ADAMTS6: variants seen among roughly 807,000 people sequenced by gnomAD.
ADAMTS6 encodes the protein A disintegrin and metalloproteinase with thrombospondin motifs 6.
ADAMTS6 carries 23 observed loss-of-function variants against 144.3 expected under a neutral mutation model. The ratio of observed to expected loss-of-function variants is 0.16; its 90% confidence interval spans 0.11 to 0.23. ADAMTS6 has a LOEUF of 0.23. Among genes scored for constraint, ADAMTS6 ranks in the 10% least tolerant of loss-of-function variants. ADAMTS6 has a pLI of 1.00. For missense variants in ADAMTS6, 999 were observed against 1,379.6 expected (o/e 0.72, Z 4.37); for synonymous variants, 444 against 457.5 (o/e 0.97, Z 0.38).
At chr5:65,386,099 A>G (rs1005703049) in intron 7 of ADAMTS6, among the ~76,000 whole-genome samples, 3 of 152,232 alleles carry the variant, frequency 2.0e-5, no homozygotes, top group Non-Finnish European at 4.4e-5. Flanking sequence ...TACCAGAATT[A>G]TGAGTCCTCC....
Position 65,300,068 on chromosome 5 carries a change from T to G in ADAMTS6, c.1287A>C (p.Lys429Asn). The G allele has an allele frequency of 6.2e-7, 1 of 1,614,104 alleles. No individual in the cohort carries two copies. Among genetic ancestry groups the G allele is most frequent in the Non-Finnish European group, 8.5e-7 (1 of 1,180,000 alleles). ...SCGTKGHEAA[K>N]LMAAHITANT... is the part of the protein sequence containing the mutation. ...TCGCAGTAATGTGAGCTGCCATAAG[T>G]TTTGCTGCTTCATGACCTTTCGTCC... The change falls in exon 10 of 25, where the codon AAA becomes AAC. Residue 429 changes from lysine (K) to asparagine (N), a missense_variant. Around this residue, in one of 3 missense-constraint regions of ADAMTS6, gnomAD observed 128 missense variants for 249.0 expected, o/e 0.51. Coordinates refer to ENST00000381055, the MANE Select transcript of ADAMTS6 (RefSeq NM_197941.4).
chr5:65,467,295 A>AT (rs1044478463), intron 3 of ADAMTS6, among the ~76,000 whole-genome samples: 1 of 151,950 alleles, frequency 6.6e-6, no homozygotes, highest in Non-Finnish European at 1.5e-5. Context: ...TAAGGAAATA[A>AT]TTTTTTTAAT....
intron 7 of ADAMTS6, among the ~76,000 whole-genome samples, chr5:65,448,741 C>T (rs1758485368): frequency 1.3e-5 from 2 of 152,132 alleles, no homozygotes; most frequent in African/African-American, 4.8e-5. Context: ...GTGTGAGCCA[C>T]CGCGCCCGGC....
chr5:65,320,097 C>G (rs549577316), intron 9 of ADAMTS6, among the ~76,000 whole-genome samples: 1 of 152,288 alleles, frequency 6.6e-6, no homozygotes, highest in African/African-American at 2.4e-5. Flanking sequence ...CCTGCCTCAG[C>G]CTCCCAAAGT....
chr5:65,278,846 T>G (rs1323576453), intron 11 of ADAMTS6, among the ~76,000 whole-genome samples: 2 of 152,208 alleles, frequency 1.3e-5, no homozygotes, highest in Non-Finnish European at 2.9e-5. Context: ...TTATCTTACC[T>G]TAGCATTTGA....
At chr5:65,157,465 T>C (rs1216110021) in intron 24 of ADAMTS6, among the ~76,000 whole-genome samples, 1 of 152,208 alleles carries the variant, frequency 6.6e-6, no homozygotes, top group Non-Finnish European at 1.5e-5. Context: ...GTTACAAAGC[T>C]TGCCTACTTG....
chr5:65,459,799 C>A (rs1759510551), intron 4 of ADAMTS6, among the ~76,000 whole-genome samples: 1 of 152,170 alleles, frequency 6.6e-6, no homozygotes, highest in South Asian at 2.1e-4. Context: ...CTCTTCAAGT[C>A]TTATTCAAGT....
intron 7 of ADAMTS6, among the ~76,000 whole-genome samples, chr5:65,363,317 A>T (rs1006195420): frequency 2.6e-5 from 4 of 152,200 alleles, no homozygotes; most frequent in African/African-American, 2.4e-5. Context: ...TAATATGATA[A>T]CATACTAAAA....
At chr5:65,387,158 A>G (rs1019934362) in intron 7 of ADAMTS6, among the ~76,000 whole-genome samples, 14 of 152,338 alleles carry the variant, frequency 9.2e-5, no homozygotes, top group Admixed American at 3.9e-4. Flanking sequence ...TGATAACAGC[A>G]TAAGTGCTAA....
chr5:65,329,061 G>A (rs918583729), intron 9 of ADAMTS6, among the ~76,000 whole-genome samples: 2 of 152,050 alleles, frequency 1.3e-5, no homozygotes, highest in African/African-American at 4.8e-5. Context: ...AAATATATAT[G>A]CATTGTCACT....
chr5:65,215,391 TTGTAATGAAAAGC>T lies in ADAMTS6; in HGVS notation c.2356_2368del (p.Ala786ArgfsTer13). 1 of 1,614,114 alleles carries T rather than the reference TTGTAATGAAAAGC, an allele frequency of 6.2e-7. No homozygotes were observed. Among genetic ancestry groups the T allele is most frequent in the Non-Finnish European group, 8.5e-7 (1 of 1,179,970 alleles). ...GGATTCTGGTTCATCAGTTGGTCTC[TTGTAATGAAAAGC>T]TGTCCCAGCAACATCAAATTTCCTA... On this transcript the variant is annotated frameshift_variant, in exon 19 of 25. Coordinates refer to ENST00000381055, the MANE Select transcript of ADAMTS6 (RefSeq NM_197941.4). LOFTEE classifies it high-confidence loss of function.
At chr5:65,266,052 T>C (rs994334714) in intron 12 of ADAMTS6, among the ~76,000 whole-genome samples, 5 of 151,912 alleles carry the variant, frequency 3.3e-5, no homozygotes, top group Non-Finnish European at 1.5e-5. Flanking sequence ...TATATACCTA[T>C]GATTTGTAGA....
chr5:65,345,036 T>C (rs1452411940), intron 7 of ADAMTS6, among the ~76,000 whole-genome samples: 2 of 151,874 alleles, frequency 1.3e-5, no homozygotes, highest in African/African-American at 2.4e-5. Context: ...TTTTCTACAC[T>C]AGACTCAAAT....
At chr5:65,455,599 C>A (rs147523513) in intron 4 of ADAMTS6, among the ~76,000 whole-genome samples, 66 of 150,882 alleles carry the variant, frequency 4.4e-4, no homozygotes, top group African/African-American at 1.5e-3. Flanking sequence ...ATATTTTGTC[C>A]AGTAAAATAT....
chr5:65,309,591 T>TACACACACACACAC (rs149843490), intron 9 of ADAMTS6, among the ~76,000 whole-genome samples: 5 of 147,204 alleles, frequency 3.4e-5, no homozygotes, highest in African/African-American at 1.2e-4. Flanking sequence ...CCTGTTATAA[T>TACACACACACACAC]ACACACACAC....
chr5:65,440,553 C>A (rs1274130978), intron 7 of ADAMTS6, among the ~76,000 whole-genome samples: 1 of 152,132 alleles, frequency 6.6e-6, no homozygotes, highest in East Asian at 1.9e-4. Flanking sequence ...GCAGAGGCAG[C>A]TACACAAAGA....
intron 8 of ADAMTS6, among the ~76,000 whole-genome samples, chr5:65,333,561 C>T (rs1746985474): frequency 6.7e-6 from 1 of 149,692 alleles, no homozygotes. Context: ...AAAATTGTAC[C>T]AAAAAAAGTA....
chr5:65,304,554 T>C (rs1335679479), intron 9 of ADAMTS6, among the ~76,000 whole-genome samples: 1 of 152,074 alleles, frequency 6.6e-6, no homozygotes, highest in African/African-American at 2.4e-5. Context: ...CACTTCATTC[T>C]CCCAAGTCGC....
chr5:65,214,739 A>C lies in ADAMTS6; in HGVS notation c.2575+55T>G, dbSNP rs755109707. The C allele has an allele frequency of 2.5e-6, 4 of 1,610,786 alleles. No homozygotes were observed. The East Asian group carries it at 6.7e-5, about 27-fold the overall frequency. Reference sequence around the variant, plus strand: ...TAACAAACACAAAGCATAGCTCAGAATGTGTTTTGTTCTCCATCTTGCCCT... The same window carrying C: ...TAACAAACACAAAGCATAGCTCAGACTGTGTTTTGTTCTCCATCTTGCCCT... On this transcript the variant is annotated intron_variant, in intron 20 of 24. Transcript: ENST00000381055. The surrounding 1 kb of genome is among the most constrained non-coding windows in gnomAD (Gnocchi z 4.6).
Sources: gnomAD v4.1 joint callset for allele counts (sites outside exome capture counted in the v4.1 genomes callset) on GRCh38, gnomAD v4.1.1 for gene constraint, gnomAD v4.1.1 regional missense constraint, Gnocchi (gnomAD v3.1) non-coding constraint, MANE v1.5 for transcripts, NCBI Gene and HGNC (gene_info 2026-07-23, HGNC 2026-07-21) for gene names.